Variants in UCHL3 observed in about 807,000 individuals in gnomAD.
UCHL3 encodes the protein ubiquitin carboxyl-terminal hydrolase isozyme L3.
UCHL3 carries 22 observed loss-of-function variants against 35.8 expected under a neutral mutation model. That is an observed-to-expected ratio of 0.61 (90% CI 0.44 to 0.88). The LOEUF is 0.88. UCHL3 is among the 40% of genes least tolerant of loss of function. The probability of loss-of-function intolerance (pLI) is 0.00; values close to 1 mark genes in which losing one functional copy is unlikely to be tolerated. For missense variants in UCHL3, 229 were observed against 276.9 expected (o/e 0.83, Z 1.23); for synonymous variants, 90 against 92.8 (o/e 0.97, Z 0.17).
chr13:75,590,089 G>A lies in UCHL3; in HGVS notation c.475-4826G>A, dbSNP rs752087544. ...CCATCTCTCCGTCTTCGTCGCTGGC[G>A]ACCCTTCTTACGTCTACCATCTTTG... On this transcript the variant is annotated intron_variant, in intron 6 of 8. Transcript: ENST00000377595. 2.7e-5 allele frequency: 35 copies of A among 1,303,942 alleles called. 1 individual carries two copies. In the Admixed American group the frequency reaches 3.2e-4, roughly 12 times the overall value. The allele number at this position is 1,303,942 out of a possible 1,614,324, so 80.8% of individuals were successfully genotyped here.
At chr13:75,576,522 T>G (rs964428037) in intron 6 of UCHL3, among the ~76,000 whole-genome samples, 3 of 151,890 alleles carry the variant, frequency 2.0e-5, no homozygotes, top group Admixed American at 6.6e-5. Context: ...ACCCAGCTAA[T>G]TTTTTGTGTT....
chr13:75,576,312 G>A (rs1003749010), intron 6 of UCHL3, among the ~76,000 whole-genome samples: 47 of 151,714 alleles, frequency 3.1e-4, no homozygotes, highest in African/African-American at 6.8e-4. Flanking sequence ...TCACTGCAAC[G>A]TCTGCCTCCC....
At chr13:75,561,447 G>T in intron 3 of UCHL3, among the ~76,000 whole-genome samples, 1 of 151,602 alleles carries the variant, frequency 6.6e-6, no homozygotes, top group South Asian at 2.1e-4. Flanking sequence ...ATAAAAATTT[G>T]GTTAGTTTGC....
At chr13:75,595,627 A>AAAAAAAC (rs2032626590) in intron 7 of UCHL3, among the ~76,000 whole-genome samples, 1 of 147,458 alleles carries the variant, frequency 6.8e-6, no homozygotes, top group Admixed American at 6.8e-5. Flanking sequence ...AAAAAAAAAA[A>AAAAAAAC]GAGCGTAATA....
intron 2 of UCHL3, among the ~76,000 whole-genome samples, chr13:75,551,863 A>G (rs2031122534): frequency 6.6e-6 from 1 of 152,198 alleles, no homozygotes; most frequent in Non-Finnish European, 1.5e-5. Flanking sequence ...AGTAATCTGA[A>G]CAGGAGCTGG....
chr13:75,604,543 G>A (rs767112154), intron 7 of UCHL3: 39 of 375,008 alleles, frequency 1.0e-4, no homozygotes, highest in African/African-American at 4.0e-4. Context: ...AATAAATTCC[G>A]TTCATGAAGA....
At chr13:75,580,451 C>T (rs757899868) in intron 6 of UCHL3, among the ~76,000 whole-genome samples, 2 of 152,170 alleles carry the variant, frequency 1.3e-5, no homozygotes, top group African/African-American at 2.4e-5. Flanking sequence ...TATGTGTACA[C>T]ACATTTATAA....
chr13:75,573,266 G>GA (rs59697323), intron 6 of UCHL3, among the ~76,000 whole-genome samples: 33 of 129,398 alleles, frequency 2.6e-4, no homozygotes, highest in Admixed American at 3.1e-4. Flanking sequence ...CTCTGTCTCA[G>GA]AAAAAAAAAA....
chr13:75,565,698 C>G (rs992965012), intron 3 of UCHL3, among the ~76,000 whole-genome samples: 15 of 152,304 alleles, frequency 9.8e-5, no homozygotes, highest in African/African-American at 2.9e-4. Flanking sequence ...GGCCTGTAGG[C>G]TGTCATTTGC....
At chr13:75,582,075 C>G (rs916679447) in intron 6 of UCHL3, among the ~76,000 whole-genome samples, 1 of 152,178 alleles carries the variant, frequency 6.6e-6, no homozygotes, top group African/African-American at 2.4e-5. Context: ...GGCTTTCACA[C>G]TCACTAGTTA....
At chr13:75,552,872 C>T (rs1165744809) in intron 2 of UCHL3, among the ~76,000 whole-genome samples, 6 of 152,078 alleles carry the variant, frequency 3.9e-5, no homozygotes, top group Non-Finnish European at 5.9e-5. Flanking sequence ...TACAGTACAA[C>T]CACATTATGT....
intron 6 of UCHL3, among the ~76,000 whole-genome samples, chr13:75,587,911 C>T (rs2032370858): frequency 1.3e-5 from 2 of 152,124 alleles, no homozygotes; most frequent in African/African-American, 2.4e-5. Context: ...GTATTCCTCT[C>T]TTGTAACACA....
rs78994124 is a variant in UCHL3, at chr13:75,596,048, T to C, written c.550+1058T>C. On this transcript the variant is annotated intron_variant, in intron 7 of 8. Coordinates refer to ENST00000377595, the MANE Select transcript of UCHL3 (RefSeq NM_006002.5). Reference sequence around the variant, plus strand: ...TCTATTACCTCTCATTTGCTGTCTATATATTACCTTGTCACATTAATTTTA... The same window carrying C: ...TCTATTACCTCTCATTTGCTGTCTACATATTACCTTGTCACATTAATTTTA... Among the ~76,000 whole-genome samples the C allele has an allele frequency of 1.6e-3, 241 of 152,306 alleles. 1 individual carries two copies. The highest frequency in any genetic ancestry group is 5.5e-3 in the African/African-American group (229 of 41,574).
rs929285361 is a variant in UCHL3, at chr13:75,566,950, ATAAAG to A, written c.340+100_340+104del. The A allele has an allele frequency of 2.8e-5, 37 of 1,317,872 alleles. No homozygotes were observed. The African/African-American group carries it at 4.9e-4, about 17-fold the overall frequency. 81.6% of individuals were successfully genotyped at this position (1,317,872 alleles called of 1,614,324 possible). A position where few individuals can be genotyped will look rare whatever the true frequency, so the allele number is the denominator to read the frequency against. ...TCTAATTCTTTCTTCAAACTATAAAATAAAGCATTCCCTGCTTCCTTGATGATGGG... is the reference window on the plus strand; with the variant it reads ...TCTAATTCTTTCTTCAAACTATAAAACATTCCCTGCTTCCTTGATGATGGG... On this transcript the variant is annotated intron_variant, in intron 4 of 8. Coordinates refer to ENST00000377595, the MANE Select transcript of UCHL3 (RefSeq NM_006002.5).
chr13:75,574,040 A>AC (rs1240735426), intron 6 of UCHL3, among the ~76,000 whole-genome samples: 2 of 152,062 alleles, frequency 1.3e-5, no homozygotes, highest in African/African-American at 4.8e-5. Context: ...ACACAGTGAA[A>AC]CCCCGTATCT....
At chr13:75,552,868 A>G (rs2031161729) in intron 2 of UCHL3, among the ~76,000 whole-genome samples, 1 of 152,210 alleles carries the variant, frequency 6.6e-6, no homozygotes, top group African/African-American at 2.4e-5. Flanking sequence ...TGAGTACAGT[A>G]CAACCACATT....
At chr13:75,602,301 A>C (rs970418254) in intron 7 of UCHL3, among the ~76,000 whole-genome samples, 1 of 151,744 alleles carries the variant, frequency 6.6e-6, no homozygotes, top group Non-Finnish European at 1.5e-5. Flanking sequence ...CTCTTGTACA[A>C]CTCTGTTGTC....
rs894319040 is a variant in UCHL3 at position 75,563,163 on chromosome 13, G to A, written c.183+2282G>A. Among the ~76,000 whole-genome samples, 5 of 151,246 alleles carry A rather than the reference G, an allele frequency of 3.3e-5. No individual in the cohort carries two copies. The East Asian group carries it at 9.7e-4, about 29-fold the overall frequency. On this transcript the variant is annotated intron_variant, in intron 3 of 8. Transcript: ENST00000377595. The stretch of plus-strand genomic sequence containing the variant: ...TGTATGTATGTATGTATGTATGTAT[G>A]TATATATATGTTTATGTTTACTTAT...
intron 6 of UCHL3, among the ~76,000 whole-genome samples, chr13:75,583,596 C>G (rs1194263046): frequency 6.6e-6 from 1 of 152,116 alleles, no homozygotes; most frequent in Non-Finnish European, 1.5e-5. Flanking sequence ...TGTTTTATAA[C>G]ATCATTTTGG....
Sources: allele counts gnomAD v4.1 joint callset (sites outside exome capture counted in the v4.1 genomes callset), GRCh38; gene constraint gnomAD v4.1.1; transcripts MANE v1.5; gene names NCBI Gene and HGNC (gene_info 2026-07-23, HGNC 2026-07-21).